OR7E24: variants seen among roughly 807,000 people sequenced by gnomAD.
The protein encoded by OR7E24 is olfactory receptor 7E24.
For missense variants in OR7E24, 385 were observed against 410.3 expected (o/e 0.94, Z 0.53); for synonymous variants, 130 against 157.5 (o/e 0.83, Z 1.31).
rs1324602648 is a variant in OR7E24 at position 9,251,219 on chromosome 19, G to A, written c.176G>A (p.Gly59Glu). 3 of 1,613,952 alleles carry A rather than the reference G, an allele frequency of 1.9e-6. No individual in the cohort carries two copies. The highest frequency in any genetic ancestry group is 1.1e-5 in the South Asian group (1 of 91,064). Residue 59 changes from glycine (G) to glutamate (E), a missense_variant, in exon 1 of 1, where the codon GGG becomes GAG. Transcript: ENST00000456448. ...TCCATGTACCTGGTCACGGTGCTGG[G>A]GAACCTGCTCATCATCCTGGCTGTC... ...FLSMYLVTVL[G>E]NLLIILAVSS...
At chr19:9,244,743 A>C (rs2066124612), upstream of OR7E24, among the ~76,000 whole-genome samples, 1 of 152,324 alleles carries the variant, frequency 6.6e-6, no homozygotes. Context: ...GGACTACATC[A>C]AAATTAAAAA....
the OR7E24 span, among the ~76,000 whole-genome samples, chr19:9,240,008 AATATTCCCT>A: frequency 6.2e-4 from 94 of 151,914 alleles, 1 homozygote; most frequent in Non-Finnish European, 5.9e-5. Flanking sequence ...GCCTGGCCTG[AATATTCCCT>A]CTTGAATAGG....
chr19:9,218,478 A>G, the OR7E24 span, among the ~76,000 whole-genome samples: 1 of 152,238 alleles, frequency 6.6e-6, no homozygotes, highest in East Asian at 1.9e-4. Context: ...GAAGAAACCA[A>G]GGACAATTGC....
At chr19:9,213,856 A>C in the OR7E24 span, 2 of 1,354,578 alleles carry the variant, frequency 1.5e-6, no homozygotes, top group Non-Finnish European at 2.1e-6. Context: ...CATTTGCCTT[A>C]GGGGTACGCA....
chr19:9,213,315 G>A, the OR7E24 span: 1 of 152,236 alleles, frequency 6.6e-6, no homozygotes, highest in African/African-American at 2.4e-5. Flanking sequence ...ACTGATCAAA[G>A]ATGGAACTTT....
At chr19:9,240,104 C>T in the OR7E24 span, among the ~76,000 whole-genome samples, 6 of 152,222 alleles carry the variant, frequency 3.9e-5, no homozygotes, top group South Asian at 1.2e-3. Flanking sequence ...CTCCTGGGCT[C>T]AAGTGATCCT....
At chr19:9,229,396 G>A in the OR7E24 span, among the ~76,000 whole-genome samples, 7 of 152,082 alleles carry the variant, frequency 4.6e-5, no homozygotes, top group East Asian at 3.9e-4. Context: ...TTAGCCGGGC[G>A]TGGTGGCAGG....
At chr19:9,245,033 G>A (rs1343377252), upstream of OR7E24, among the ~76,000 whole-genome samples, 1 of 150,984 alleles carries the variant, frequency 6.6e-6, no homozygotes, top group Admixed American at 6.6e-5. Flanking sequence ...GTGAAACTCC[G>A]TTTCTAGTAA....
At chr19:9,250,333 A>G (rs957078369), upstream of OR7E24, among the ~76,000 whole-genome samples, 2 of 152,064 alleles carry the variant, frequency 1.3e-5, no homozygotes, top group African/African-American at 4.8e-5. Context: ...ATCCTCAAGC[A>G]ATCCTCCTGC....
chr19:9,228,000 G>T, the OR7E24 span, among the ~76,000 whole-genome samples: 1 of 151,828 alleles, frequency 6.6e-6, no homozygotes, highest in Non-Finnish European at 1.5e-5. Flanking sequence ...TGATCCGCCC[G>T]CCTCGGCCTC....
At chr19:9,232,087 G>A in the OR7E24 span, among the ~76,000 whole-genome samples, 1 of 152,120 alleles carries the variant, frequency 6.6e-6, no homozygotes, top group Admixed American at 6.6e-5. Context: ...TTAACAAAGA[G>A]CAGCCTGAAA....
chr19:9,250,824 A>G (rs2066143231), upstream of OR7E24: 1 of 402,976 alleles, frequency 2.5e-6, no homozygotes, highest in Non-Finnish European at 4.4e-6. Context: ...TAAAATCTCT[A>G]ATGTTTTTGC....
chr19:9,234,763 C>A, the OR7E24 span, among the ~76,000 whole-genome samples: 5 of 152,062 alleles, frequency 3.3e-5, no homozygotes, highest in Non-Finnish European at 7.4e-5. Flanking sequence ...TGTGTCAGGT[C>A]ACAGAAAAAA....
chr19:9,235,539 C>T, the OR7E24 span: 2 of 1,544,552 alleles, frequency 1.3e-6, no homozygotes, highest in South Asian at 1.1e-5. Flanking sequence ...CACTGCAGTA[C>T]ATGGTCATCA....
chr19:9,234,453 A>G, the OR7E24 span, among the ~76,000 whole-genome samples: 1 of 152,206 alleles, frequency 6.6e-6, no homozygotes, highest in African/African-American at 2.4e-5. Context: ...ATATTTTTAG[A>G]AAGAAAAAAA....
At chr19:9,225,991 A>G in the OR7E24 span, among the ~76,000 whole-genome samples, 3 of 152,256 alleles carry the variant, frequency 2.0e-5, no homozygotes, top group African/African-American at 4.8e-5. Context: ...GGCTGCTCCC[A>G]TCACGGCTAG....
the OR7E24 span, chr19:9,210,721 C>G: frequency 6.7e-6 from 1 of 150,266 alleles, no homozygotes; most frequent in African/African-American, 2.5e-5. Flanking sequence ...ACACACAACA[C>G]AGAGTCTACA....
the OR7E24 span, chr19:9,214,734 T>A: frequency 6.2e-6 from 10 of 1,614,016 alleles, no homozygotes; most frequent in Non-Finnish European, 8.5e-6. Flanking sequence ...CGTGACCAGG[T>A]ACATGGACAG....
chr19:9,251,540 C>CT lies in OR7E24; in HGVS notation c.492dup (p.Ile165TyrfsTer2), dbSNP rs1031417078. 1.2e-6 allele frequency: 2 copies of CT among 1,614,062 alleles called. No individual in the cohort carries two copies. The highest frequency in any genetic ancestry group is 1.1e-5 in the South Asian group (1 of 91,070). ...CTCTGTGGCTTCTTAATCTTGTTGT[C>CT]TTTTTTTATTAGTCTTTTGGACTCC... On this transcript the variant is annotated frameshift_variant, in exon 2 of 2. Coordinates refer to the OR7E24 transcript ENST00000641946. LOFTEE classifies it low-confidence loss of function (END_TRUNC).
Sources: allele counts gnomAD v4.1 joint callset (sites outside exome capture counted in the v4.1 genomes callset), GRCh38; gene constraint gnomAD v4.1.1; transcripts MANE v1.5; gene names NCBI Gene and HGNC (gene_info 2026-07-23, HGNC 2026-07-21).